LRP5: variants seen among roughly 807,000 people sequenced by gnomAD.
The protein encoded by LRP5 is low-density lipoprotein receptor-related protein 5.
LRP5 carries 62 observed loss-of-function variants against 154.1 expected under a neutral mutation model. That is an observed-to-expected ratio of 0.40 (90% CI 0.33 to 0.50). The LOEUF (loss-of-function observed/expected upper bound fraction) is 0.50. Among genes scored for constraint, LRP5 ranks in the 20% least tolerant of loss-of-function variants. The pLI is 0.55. For synonymous variants in LRP5, 966 were observed against 1,011.5 expected, an observed-to-expected ratio of 0.96 and a Z score of 0.85; for missense variants, 1,915 against 2,336.7, an observed-to-expected ratio of 0.82 and a Z score of 3.72.
intron 1 of LRP5, among the ~76,000 whole-genome samples, chr11:68,327,583 T>C (rs1393203258): frequency 6.6e-6 from 1 of 152,190 alleles, no homozygotes; most frequent in African/African-American, 2.4e-5. Flanking sequence ...GACTTTGCAT[T>C]GGTTTCTTGG....
At chr11:68,325,584 C>G (rs2098599177) in intron 1 of LRP5, among the ~76,000 whole-genome samples, 1 of 152,200 alleles carries the variant, frequency 6.6e-6, no homozygotes, top group South Asian at 2.1e-4. Flanking sequence ...CCGAGGTATT[C>G]CCAGCCTCCT....
chr11:68,341,005 TGC>T (rs1280559069), intron 1 of LRP5, among the ~76,000 whole-genome samples: 2 of 148,116 alleles, frequency 1.4e-5, no homozygotes, highest in Non-Finnish European at 3.0e-5. Flanking sequence ...AGTTAATTGG[TGC>T]TACCTTTCCA....
chr11:68,305,858 T>A, the LRP5 span, among the ~76,000 whole-genome samples: 3 of 152,226 alleles, frequency 2.0e-5, no homozygotes, highest in African/African-American at 4.8e-5. Flanking sequence ...GGTACTGTAT[T>A]AGTTTCCTGT....
intron 1 of LRP5, among the ~76,000 whole-genome samples, chr11:68,347,472 C>G (rs961431290): frequency 2.0e-5 from 3 of 152,206 alleles, no homozygotes; most frequent in African/African-American, 7.2e-5. Flanking sequence ...GTCAGGCCAA[C>G]AAAGGGGATG....
At chr11:68,361,643 A>G (rs1271770895) in intron 3 of LRP5, among the ~76,000 whole-genome samples, 1 of 150,574 alleles carries the variant, frequency 6.6e-6, no homozygotes, top group African/African-American at 2.4e-5. Context: ...TCTCAAAAAA[A>G]CAAAAACAAA....
chr11:68,392,027 G>A (rs370769494), intron 7 of LRP5, among the ~76,000 whole-genome samples: 2 of 152,030 alleles, frequency 1.3e-5, no homozygotes, highest in African/African-American at 4.8e-5. Context: ...TATTTTTTGT[G>A]GGGGGAGATG....
intron 2 of LRP5, among the ~76,000 whole-genome samples, chr11:68,356,547 C>A (rs984111668): frequency 6.6e-6 from 1 of 152,248 alleles, no homozygotes; most frequent in African/African-American, 2.4e-5. Flanking sequence ...CTCACACCCA[C>A]ACAGCCTTCC....
intron 7 of LRP5, among the ~76,000 whole-genome samples, chr11:68,390,980 T>C (rs2098645987): frequency 6.6e-6 from 1 of 152,164 alleles, no homozygotes; most frequent in African/African-American, 2.4e-5. Flanking sequence ...TTTTGTTTGA[T>C]TGTTTGTTTT....
At chr11:68,435,094 G>A (rs914944199) in intron 18 of LRP5, among the ~76,000 whole-genome samples, 7 of 152,206 alleles carry the variant, frequency 4.6e-5, no homozygotes, top group African/African-American at 1.4e-4. Flanking sequence ...GTCTGTGGCT[G>A]CTTTCATGCC....
chr11:68,358,464 T>A (rs1306830365), intron 3 of LRP5, among the ~76,000 whole-genome samples: 1 of 152,208 alleles, frequency 6.6e-6, no homozygotes, highest in African/African-American at 2.4e-5. Context: ...GCTTTCCATC[T>A]TCAGAGCGTT....
chr11:68,310,270 G>C (rs546774391), upstream of LRP5, among the ~76,000 whole-genome samples: 43 of 152,236 alleles, frequency 2.8e-4, no homozygotes, highest in Admixed American at 5.9e-4. Context: ...AGGCTAAGTG[G>C]GGTGAAAGAG....
At chr11:68,404,243 A>G (rs1256502720) in intron 8 of LRP5, 1 of 515,882 alleles carries the variant, frequency 1.9e-6, no homozygotes, top group Non-Finnish European at 3.8e-6. Context: ...TACACTGGAG[A>G]GAGCAGCATC....
chr11:68,415,370 G>A (rs905509192), intron 12 of LRP5, among the ~76,000 whole-genome samples: 2 of 152,194 alleles, frequency 1.3e-5, no homozygotes, highest in Admixed American at 6.5e-5. Context: ...ACACACAGTC[G>A]TGGGTATGAG....
intron 8 of LRP5, among the ~76,000 whole-genome samples, chr11:68,404,583 T>G (rs2098654461): frequency 6.6e-6 from 1 of 151,978 alleles, no homozygotes; most frequent in South Asian, 2.1e-4. Context: ...GAGCAGTGAG[T>G]GCTTCCTTCA....
intron 5 of LRP5, among the ~76,000 whole-genome samples, chr11:68,375,814 G>A (rs1211317657): frequency 1.3e-5 from 2 of 152,236 alleles, no homozygotes; most frequent in African/African-American, 2.4e-5. Flanking sequence ...CAGAGCATCC[G>A]AGTTCCAGCC....
intron 9 of LRP5, among the ~76,000 whole-genome samples, chr11:68,409,073 A>AATATATATATATATATAT (rs1174773377): frequency 2.0e-4 from 9 of 44,152 alleles, no homozygotes; most frequent in African/African-American, 1.2e-3. Flanking sequence ...AAAAAAAAAA[A>AATATATATATATATATAT]ATATATATAT....
In LRP5 at chr11:68,413,834, G is replaced by A. The variant is rs1445326163; in HGVS notation, c.2649G>A (p.Gln883=). Residue 883 remains glutamine (Q), a synonymous_variant, in exon 12 of 23, where the codon CAG becomes CAA. Transcript: ENST00000294304. The surrounding 1 kb of genome is among the most constrained non-coding windows in gnomAD (Gnocchi z 5.1). ...GCGGCCGGAACCGCACCCTCATCCA[G>A]GGCCACCTGGACTTCGTGATGGACA... ...KTSGRNRTLI[Q]GHLDFVMDIL... is the part of the protein sequence containing the mutation. The A allele has an allele frequency of 7.4e-6, 12 of 1,613,704 alleles. No individual in the cohort carries two copies. Among genetic ancestry groups the A allele is most frequent in the Non-Finnish European group, 9.3e-6 (11 of 1,180,022 alleles).
chr11:68,395,537 G>A (rs563726227), intron 7 of LRP5, among the ~76,000 whole-genome samples: 160 of 152,208 alleles, frequency 1.1e-3, no homozygotes, highest in African/African-American at 3.7e-3. Context: ...CTGCTGGGGT[G>A]CCTCACTGCA....
At chr11:68,435,166 C>T (rs749808244) in intron 18 of LRP5, among the ~76,000 whole-genome samples, 1 of 152,260 alleles carries the variant, frequency 6.6e-6, no homozygotes, top group East Asian at 1.9e-4. Context: ...CCAGACCTCA[C>T]GTCTGGCCCT....
Sources: allele counts gnomAD v4.1 joint callset (sites outside exome capture counted in the v4.1 genomes callset), GRCh38; gene constraint gnomAD v4.1.1; non-coding constraint Gnocchi (gnomAD v3.1); transcripts MANE v1.5; gene names NCBI Gene and HGNC (gene_info 2026-07-23, HGNC 2026-07-21).